Variants in CTNNA3 observed in about 807,000 individuals in gnomAD.
CTNNA3 encodes catenin alpha-3.
In CTNNA3, 76 loss-of-function variants were observed where a neutral mutation model predicts 95.7. The observed-to-expected ratio is 0.79, with a 90% CI of 0.66 to 0.96. The LOEUF (loss-of-function observed/expected upper bound fraction) is 0.96. Among genes scored for constraint, CTNNA3 ranks in the 40% least tolerant of loss-of-function variants. CTNNA3 has a pLI of 0.00. For synonymous variants in CTNNA3, 431 were observed against 374.4 expected, an observed-to-expected ratio of 1.15 and a Z score of -1.74; for missense variants, 1,191 against 1,089.8, an observed-to-expected ratio of 1.09 and a Z score of -1.31.
intron 11 of CTNNA3, among the ~76,000 whole-genome samples, chr10:66,389,927 G>C (rs1230090141): frequency 2.6e-5 from 4 of 152,082 alleles, no homozygotes; most frequent in Admixed American, 2.6e-4. Flanking sequence ...ATAGAGACAG[G>C]GTCTTGCTAC....
chr10:66,045,795 C>A lies in CTNNA3; in HGVS notation c.2159+23513G>T, dbSNP rs74708209. Reference sequence around the variant, plus strand: ...CTAATCTGGAAACAAAACCAACCAACCAAACAAATAAAACTGAGGAAACTA... The same window carrying A: ...CTAATCTGGAAACAAAACCAACCAAACAAACAAATAAAACTGAGGAAACTA... On this transcript the variant is annotated intron_variant, in intron 15 of 17. Coordinates refer to ENST00000433211, the MANE Select transcript of CTNNA3 (RefSeq NM_013266.4). Among the ~76,000 whole-genome samples the A allele has an allele frequency of 7.6e-3, 1,162 of 152,180 alleles. 9 individuals are homozygous for A. The highest frequency in any genetic ancestry group is 0.026 in the African/African-American group (1,086 of 41,508).
At chr10:66,669,406 G>A (rs1235431300) in intron 9 of CTNNA3, among the ~76,000 whole-genome samples, 1 of 152,036 alleles carries the variant, frequency 6.6e-6, no homozygotes, top group African/African-American at 2.4e-5. Flanking sequence ...AGCCAGGCAT[G>A]GTGGCATGTG....
At chr10:67,192,912 A>G (rs528069132) in intron 6 of CTNNA3, among the ~76,000 whole-genome samples, 4 of 152,108 alleles carry the variant, frequency 2.6e-5, no homozygotes, top group Non-Finnish European at 4.4e-5. Flanking sequence ...ACCACTTACA[A>G]TAGAATAGTA....
At chr10:67,739,209 A>G (rs555379259) in intron 1 of CTNNA3, among the ~76,000 whole-genome samples, 1 of 152,234 alleles carries the variant, frequency 6.6e-6, no homozygotes, top group Admixed American at 6.5e-5. Flanking sequence ...TGGGTTACCC[A>G]CAAAGGGAAG....
rs529892343 is a variant in CTNNA3 at position 66,444,418 on chromosome 10, C to A, written c.1532-65066G>T. On this transcript the variant is annotated intron_variant, in intron 11 of 17. Coordinates refer to ENST00000433211, the MANE Select transcript of CTNNA3 (RefSeq NM_013266.4). The stretch of plus-strand genomic sequence containing the variant: ...TGAAGGAAAAAATGGTAAGGGCAGC[C>A]AGAGAGAAAGGTTGGGTTACCCACA... Among the ~76,000 whole-genome samples the A allele has an allele frequency of 1.2e-4, 19 of 152,176 alleles. No homozygotes were observed. The South Asian group carries it at 3.9e-3, about 32-fold the overall frequency.
chr10:65,985,867 TAA>T (rs2078417338), intron 16 of CTNNA3, among the ~76,000 whole-genome samples: 1 of 151,530 alleles, frequency 6.6e-6, no homozygotes, highest in South Asian at 2.1e-4. Flanking sequence ...GGTCTTATAT[TAA>T]GAAAAACCTT....
At chr10:66,796,938 T>C (rs1218692871) in intron 7 of CTNNA3, among the ~76,000 whole-genome samples, 1 of 151,988 alleles carries the variant, frequency 6.6e-6, no homozygotes, top group East Asian at 1.9e-4. Flanking sequence ...GTGAAGGTTT[T>C]TCATGATTAT....
At chr10:66,390,642 G>A (rs933109591) in intron 11 of CTNNA3, among the ~76,000 whole-genome samples, 1 of 151,956 alleles carries the variant, frequency 6.6e-6, no homozygotes, top group African/African-American at 2.4e-5. Context: ...ATAAAAACAA[G>A]AATACAGTAA....
intron 7 of CTNNA3, among the ~76,000 whole-genome samples, chr10:66,891,809 TTACCATTCCTG>T (rs897519692): frequency 2.6e-5 from 4 of 152,260 alleles, no homozygotes. Context: ...AATAAAGAAG[TTACCATTCCTG>T]TACCATTCCT....
intron 5 of CTNNA3, among the ~76,000 whole-genome samples, chr10:67,475,045 T>A (rs558516219): frequency 6.6e-6 from 1 of 152,130 alleles, no homozygotes; most frequent in Non-Finnish European, 1.5e-5. Context: ...AGCTAATGAA[T>A]AGAAAAGCAA....
intron 13 of CTNNA3, among the ~76,000 whole-genome samples, chr10:66,165,655 T>C (rs547995916): frequency 6.6e-6 from 1 of 152,280 alleles, no homozygotes; most frequent in South Asian, 2.1e-4. Context: ...GAAGGCACTA[T>C]AGATGTTCAT....
At chr10:66,987,705 A>C (rs372206936) in intron 7 of CTNNA3, among the ~76,000 whole-genome samples, 1 of 152,212 alleles carries the variant, frequency 6.6e-6, no homozygotes, top group Non-Finnish European at 1.5e-5. Flanking sequence ...TTAAACATAG[A>C]ATATAAACAT....
intron 11 of CTNNA3, among the ~76,000 whole-genome samples, chr10:66,426,725 A>C (rs984079452): frequency 2.6e-5 from 4 of 151,278 alleles, no homozygotes; most frequent in Non-Finnish European, 5.9e-5. Context: ...GTGTTTATTG[A>C]CCTGTTTGGC....
chr10:66,758,395 G>A (rs914831975), intron 9 of CTNNA3, among the ~76,000 whole-genome samples: 6 of 152,152 alleles, frequency 3.9e-5, no homozygotes, highest in East Asian at 1.9e-4. Flanking sequence ...AGAGCACGTC[G>A]TAGGGACTCA....
At chr10:66,104,084 T>C (rs1369655761) in intron 13 of CTNNA3, among the ~76,000 whole-genome samples, 1 of 152,134 alleles carries the variant, frequency 6.6e-6, no homozygotes, top group South Asian at 2.1e-4. Context: ...GAAATTAAAA[T>C]TTTAGGGACT....
intron 7 of CTNNA3, among the ~76,000 whole-genome samples, chr10:67,149,403 G>C (rs1860985639): frequency 6.6e-6 from 1 of 152,010 alleles, no homozygotes. Context: ...GGCTAACACG[G>C]TGAAACCCCG....
At chr10:66,225,684 A>G (rs886859652) in intron 13 of CTNNA3, among the ~76,000 whole-genome samples, 1 of 151,768 alleles carries the variant, frequency 6.6e-6, no homozygotes, top group Non-Finnish European at 1.5e-5. Flanking sequence ...GTCCTAATTT[A>G]CATTCTCATC....
chr10:66,652,490 C>A (rs1263335022), intron 9 of CTNNA3, among the ~76,000 whole-genome samples: 1 of 151,920 alleles, frequency 6.6e-6, no homozygotes, highest in East Asian at 1.9e-4. Flanking sequence ...AAGATTAAAT[C>A]AGTAATAAAA....
At chr10:66,535,803 A>G (rs777930890) in intron 10 of CTNNA3, among the ~76,000 whole-genome samples, 1 of 152,214 alleles carries the variant, frequency 6.6e-6, no homozygotes, top group Non-Finnish European at 1.5e-5. Context: ...ATTAACATGT[A>G]GAATTCATAG....
Sources: allele counts gnomAD v4.1 joint callset (sites outside exome capture counted in the v4.1 genomes callset), GRCh38; gene constraint gnomAD v4.1.1; transcripts MANE v1.5; gene names NCBI Gene and HGNC (gene_info 2026-07-23, HGNC 2026-07-21).